KPNA5: variants seen among roughly 807,000 people sequenced by gnomAD.
The protein encoded by KPNA5 is karyopherin subunit alpha 5.
KPNA5 carries 46 observed loss-of-function variants against 71.3 expected under a neutral mutation model. The ratio of observed to expected loss-of-function variants is 0.65; its 90% CI spans 0.51 to 0.83. The LOEUF is 0.83. Among genes scored for constraint, KPNA5 ranks in the 40% least tolerant of loss-of-function variants. The probability of loss-of-function intolerance (pLI) is 0.00; values close to 1 mark genes in which losing one functional copy is unlikely to be tolerated. For missense variants in KPNA5, 547 were observed against 628.3 expected (o/e 0.87, Z 1.38); for synonymous variants, 207 against 201.4 (o/e 1.03, Z -0.24).
intron 2 of KPNA5, among the ~76,000 whole-genome samples, chr6:116,691,157 A>T (rs558202726): frequency 6.6e-6 from 1 of 152,218 alleles, no homozygotes; most frequent in African/African-American, 2.4e-5. Context: ...TGAACCCAGG[A>T]GGTGGAGGTT....
Position 116,722,806 on chromosome 6 carries a change from C to T in KPNA5, c.920+517C>T, listed in dbSNP as rs149027069. ...CTTTTCTATACAAAGAAGTTAAAAACGTTGAAGAAAACTTGTTTTAAAAAG... is the reference window on the plus strand; with the variant it reads ...CTTTTCTATACAAAGAAGTTAAAAATGTTGAAGAAAACTTGTTTTAAAAAG... On this transcript the variant is annotated intron_variant, in intron 9 of 13. Coordinates refer to ENST00000368564, the MANE Select transcript of KPNA5 (RefSeq NM_001366306.2). Among the ~76,000 whole-genome samples the T allele has an allele frequency of 1.1e-3, 160 of 152,240 alleles. 1 individual carries two copies. Among genetic ancestry groups the T allele is most frequent in the African/African-American group, 3.7e-3 (154 of 41,562 alleles).
rs1779865086 is a variant in KPNA5, at chr6:116,741,311, A to G, written c.*8988A>G. The G allele has an allele frequency of 6.6e-6, 1 of 151,830 alleles. No individual in the cohort carries two copies. The highest frequency in any genetic ancestry group is 1.5e-5 in the Non-Finnish European group (1 of 67,962). The allele number at this position is 151,830 out of a possible 1,614,324, so 9.4% of individuals were successfully genotyped here. ...AGTTCTGACGATTTTTTTGTGTTTTATATGTTTTTTACATTATTTTGTGCA... is the reference window on the plus strand; with the variant it reads ...AGTTCTGACGATTTTTTTGTGTTTTGTATGTTTTTTACATTATTTTGTGCA... On this transcript the variant is annotated 3_prime_UTR_variant, in exon 14 of 14. Coordinates refer to ENST00000368564, the MANE Select transcript of KPNA5 (RefSeq NM_001366306.2).
At chr6:116,728,833 C>A (rs780020722) in intron 12 of KPNA5, among the ~76,000 whole-genome samples, 2 of 152,016 alleles carry the variant, frequency 1.3e-5, no homozygotes, top group Non-Finnish European at 2.9e-5. Context: ...AGCCTGGCTT[C>A]ATAGTATGTT....
chr6:116,695,086 G>A (rs999495907), intron 4 of KPNA5, among the ~76,000 whole-genome samples: 5 of 152,150 alleles, frequency 3.3e-5, no homozygotes, highest in Middle Eastern at 3.4e-3. Flanking sequence ...GAGTAGCTAG[G>A]ACGACAGGCA....
In KPNA5 at chr6:116,733,031, T is replaced by A. The variant is rs950089830; in HGVS notation, c.*708T>A. On this transcript the variant is annotated 3_prime_UTR_variant, in exon 14 of 14. Transcript: ENST00000368564. ...ATTACTTTATAAAATGTTTAAATATTTCTGTTTTTAACATATAAGTGCTAT... is the reference window on the plus strand; with the variant it reads ...ATTACTTTATAAAATGTTTAAATATATCTGTTTTTAACATATAAGTGCTAT... The A allele has an allele frequency of 2.6e-5, 4 of 151,880 alleles. No homozygotes were observed. The highest frequency in any genetic ancestry group is 5.9e-5 in the Non-Finnish European group (4 of 67,800). 9.4% of individuals were successfully genotyped at this position (151,880 alleles called of 1,614,324 possible).
At chr6:116,700,537 T>C (rs1035323224) in intron 5 of KPNA5, among the ~76,000 whole-genome samples, 3 of 152,110 alleles carry the variant, frequency 2.0e-5, no homozygotes, top group African/African-American at 7.2e-5. Context: ...TTAAAAACTA[T>C]AGAAATTCAA....
At chr6:116,731,046 T>C (rs1694363027) in intron 13 of KPNA5, among the ~76,000 whole-genome samples, 1 of 152,144 alleles carries the variant, frequency 6.6e-6, no homozygotes, top group South Asian at 2.1e-4. Context: ...TACAAAGTCA[T>C]TGCCTCCACA....
intron 7 of KPNA5, among the ~76,000 whole-genome samples, chr6:116,706,673 G>A (rs1238262699): frequency 6.6e-6 from 1 of 151,922 alleles, no homozygotes; most frequent in Non-Finnish European, 1.5e-5. Flanking sequence ...TGGGCAACAA[G>A]AGCGAAACTC....
intron 4 of KPNA5, among the ~76,000 whole-genome samples, chr6:116,696,597 T>G (rs980523067): frequency 1.3e-5 from 2 of 152,192 alleles, no homozygotes; most frequent in African/African-American, 4.8e-5. Flanking sequence ...CTCTTGTGGA[T>G]GTAAATCACA....
At chr6:116,720,244 C>T (rs111305539) in intron 8 of KPNA5, among the ~76,000 whole-genome samples, 238 of 152,254 alleles carry the variant, frequency 1.6e-3, no homozygotes, top group African/African-American at 5.6e-3. Context: ...ATTAGCTTTC[C>T]TCTTATTGGT....
Position 116,740,214 on chromosome 6 carries a change from A to G in KPNA5, c.*7891A>G, listed in dbSNP as rs1562463268. 6.6e-6 allele frequency: 1 copy of G among 152,212 alleles called. No individual in the cohort carries two copies. The highest frequency in any genetic ancestry group is 1.5e-5 in the Non-Finnish European group (1 of 68,044). The allele number at this position is 152,212 out of a possible 1,614,324, so 9.4% of individuals were successfully genotyped here. ...GAACAGACACTTCTCAAAAGAAGACATTTATGCAGCCAAAAAACACATGAA... is the reference window on the plus strand; with the variant it reads ...GAACAGACACTTCTCAAAAGAAGACGTTTATGCAGCCAAAAAACACATGAA... On this transcript the variant is annotated 3_prime_UTR_variant, in exon 14 of 14. Transcript: ENST00000368564.
intron 4 of KPNA5, among the ~76,000 whole-genome samples, chr6:116,698,130 G>A (rs1237337808): frequency 6.6e-6 from 1 of 151,962 alleles, no homozygotes; most frequent in African/African-American, 2.4e-5. Flanking sequence ...TAGATGACCA[G>A]TACCTGAAAT....
intron 5 of KPNA5, among the ~76,000 whole-genome samples, chr6:116,700,279 C>T (rs893936279): frequency 6.6e-6 from 1 of 151,192 alleles, no homozygotes; most frequent in East Asian, 1.9e-4. Context: ...TGAGACCAGC[C>T]TGGGAAAATA....
chr6:116,708,490 T>C (rs900205746), intron 7 of KPNA5, among the ~76,000 whole-genome samples: 8 of 152,212 alleles, frequency 5.3e-5, no homozygotes, highest in African/African-American at 1.9e-4. Context: ...ATTGTCATTT[T>C]GATAGGGGTT....
At position 116,732,566 on chromosome 6, in the gene KPNA5, T is replaced by C. The variant is rs1194234137; in HGVS notation, c.*243T>C. On this transcript the variant is annotated 3_prime_UTR_variant, in exon 14 of 14. Coordinates refer to ENST00000368564, the MANE Select transcript of KPNA5 (RefSeq NM_001366306.2). ...TCTATTGTTTGGATTTTTGTATCTA[T>C]TTGTGAATAATTGAATATGCAATTA... 4.7e-6 allele frequency: 1 copy of C among 212,698 alleles called. No homozygotes were observed. The highest frequency in any genetic ancestry group is 9.4e-6 in the Non-Finnish European group (1 of 106,916). 13.2% of individuals were successfully genotyped at this position (212,698 alleles called of 1,614,324 possible).
intron 4 of KPNA5, among the ~76,000 whole-genome samples, chr6:116,696,968 A>G (rs1778053077): frequency 1.3e-5 from 2 of 152,104 alleles, no homozygotes; most frequent in East Asian, 1.9e-4. Context: ...ATATCATATC[A>G]TATCTATATT....
intron 11 of KPNA5, 84 bp downstream of exon 11, chr6:116,725,960 A>T: frequency 1.4e-6 from 2 of 1,461,260 alleles, no homozygotes; most frequent in Non-Finnish European, 1.8e-6. Context: ...ACTAAAAAAG[A>T]TTCCTTTTTA....
At position 116,736,239 on chromosome 6, in the gene KPNA5, A is replaced by C. The variant is rs1156655848; in HGVS notation, c.*3916A>C. 1 of 151,974 alleles carries C rather than the reference A, an allele frequency of 6.6e-6. No homozygotes were observed. The highest frequency in any genetic ancestry group is 2.4e-5 in the African/African-American group (1 of 41,442). 9.4% of individuals were successfully genotyped at this position (151,974 alleles called of 1,614,324 possible). On this transcript the variant is annotated 3_prime_UTR_variant, in exon 14 of 14. Coordinates refer to ENST00000368564, the MANE Select transcript of KPNA5 (RefSeq NM_001366306.2). ...AAAATGAAATATGGATATATGGTACAACATGGATGAACATTGAAAACATTA... is the reference window on the plus strand; with the variant it reads ...AAAATGAAATATGGATATATGGTACCACATGGATGAACATTGAAAACATTA...
chr6:116,717,819 T>C (rs1439606574), intron 8 of KPNA5, among the ~76,000 whole-genome samples: 1 of 152,134 alleles, frequency 6.6e-6, no homozygotes, highest in African/African-American at 2.4e-5. Flanking sequence ...GAGGTGAGCA[T>C]GAGCAGTGTG....
Sources: allele counts gnomAD v4.1 joint callset (sites outside exome capture counted in the v4.1 genomes callset), GRCh38; gene constraint gnomAD v4.1.1; transcripts MANE v1.5; gene names NCBI Gene and HGNC (gene_info 2026-07-23, HGNC 2026-07-21).